The following FOXK1 variants were observed in gnomAD, a reference collection of about 807,000 sequenced individuals.
FOXK1 encodes the protein forkhead box K1.
Under a neutral mutation model 51.9 loss-of-function variants are expected in FOXK1, and 19 were observed. The ratio of observed to expected loss-of-function variants is 0.37; its 90% CI spans 0.26 to 0.54. FOXK1 has a LOEUF of 0.54. FOXK1 is among the 20% of genes least tolerant of loss of function. FOXK1 has a pLI of 0.87. For synonymous variants in FOXK1, 537 were observed against 482.6 expected (o/e 1.11, Z -1.48); for missense variants, 870 against 1,032.7 (o/e 0.84, Z 2.16).
chr7:4,694,375 G>A (rs931137963), intron 1 of FOXK1, among the ~76,000 whole-genome samples: 3 of 151,946 alleles, frequency 2.0e-5, no homozygotes, highest in Non-Finnish European at 2.9e-5. Context: ...AGGAACTCTT[G>A]GAGGAAATTT....
chr7:4,741,237 A>G (rs1780629753), intron 2 of FOXK1, among the ~76,000 whole-genome samples: 1 of 152,200 alleles, frequency 6.6e-6, no homozygotes, highest in Non-Finnish European at 1.5e-5. Context: ...CACTTTTCCC[A>G]CTGGAAATTT....
chr7:4,725,559 G>A (rs958030413), intron 1 of FOXK1, among the ~76,000 whole-genome samples: 9 of 152,244 alleles, frequency 5.9e-5, no homozygotes, highest in Admixed American at 2.0e-4. Flanking sequence ...GCCTTTGTGC[G>A]GCCGGGCCCC....
At position 4,722,898 on chromosome 7, in the gene FOXK1, G is replaced by T. The variant is rs151267277; in HGVS notation, c.561-17940G>T. Reference sequence around the variant, plus strand: ...TTGGCATCCAGGTGAGGTGCCTGTGGGCAGAGCTGTTGATGGAAGAGGGTG... The same window carrying T: ...TTGGCATCCAGGTGAGGTGCCTGTGTGCAGAGCTGTTGATGGAAGAGGGTG... On this transcript the variant is annotated intron_variant, in intron 1 of 8. Coordinates refer to ENST00000328914, the MANE Select transcript of FOXK1 (RefSeq NM_001037165.2). This position sits in a 1 kb window ranked among gnomAD's most constrained non-coding sequence, Gnocchi z 5.1. Among the ~76,000 whole-genome samples the T allele has an allele frequency of 1.6e-3, 236 of 152,186 alleles. No homozygotes were observed. The highest frequency in any genetic ancestry group is 5.2e-3 in the African/African-American group (214 of 41,540).
intron 1 of FOXK1, among the ~76,000 whole-genome samples, chr7:4,732,765 A>G (rs112675874): frequency 2.1e-4 from 32 of 152,348 alleles, no homozygotes; most frequent in African/African-American, 7.7e-4. Flanking sequence ...GTAGACACAC[A>G]TGGCTTTCCG....
chr7:4,707,100 T>C lies in FOXK1; in HGVS notation c.560+24232T>C, dbSNP rs995377629. ...TTTGTCCGTAATGGCCACCTTCCAG[T>C]CTTAGAGAAGCAGCGATGTCTCCCC... On this transcript the variant is annotated intron_variant, in intron 1 of 8. Coordinates refer to ENST00000328914, the MANE Select transcript of FOXK1 (RefSeq NM_001037165.2). This position sits in a 1 kb window ranked among gnomAD's most constrained non-coding sequence, Gnocchi z 4.1. 1.3e-5 allele frequency among the ~76,000 whole-genome samples: 2 copies of C among 152,214 alleles called. No homozygotes were observed. The highest frequency in any genetic ancestry group is 2.9e-5 in the Non-Finnish European group (2 of 68,040).
chr7:4,732,696 G>A (rs1242070013), intron 1 of FOXK1, among the ~76,000 whole-genome samples: 1 of 152,190 alleles, frequency 6.6e-6, no homozygotes, highest in Non-Finnish European at 1.5e-5. Context: ...AGAGGCAGTG[G>A]CTTTTAAAGC....
At chr7:4,750,811 TCTC>T (rs1182517249) in intron 2 of FOXK1, among the ~76,000 whole-genome samples, 1 of 151,654 alleles carries the variant, frequency 6.6e-6, no homozygotes, top group African/African-American at 2.4e-5. Flanking sequence ...TTCAAGCAAT[TCTC>T]CTTCCTCAGC....
In FOXK1 at chr7:4,767,464, T is replaced by C. The variant is rs1298494075; in HGVS notation, c.*5000T>C. 6.6e-6 allele frequency: 1 copy of C among 152,220 alleles called. No individual in the cohort carries two copies. Among genetic ancestry groups the C allele is most frequent in the Admixed American group, 6.5e-5 (1 of 15,280 alleles). 9.4% of individuals were successfully genotyped at this position (152,220 alleles called of 1,614,324 possible). A position where few individuals can be genotyped will look rare whatever the true frequency, so the allele number is the denominator to read the frequency against. Reference sequence around the variant, plus strand: ...CCCACAGCCTCGCCTCGAGCCTCCTTGACAATACCGCTGCTTCAAAGCAAT... The same window carrying C: ...CCCACAGCCTCGCCTCGAGCCTCCTCGACAATACCGCTGCTTCAAAGCAAT... On this transcript the variant is annotated 3_prime_UTR_variant, in exon 9 of 9. Coordinates refer to ENST00000328914, the MANE Select transcript of FOXK1 (RefSeq NM_001037165.2). The surrounding 1 kb of genome is among the most constrained non-coding windows in gnomAD (Gnocchi z 6.6).
chr7:4,702,114 G>A (rs568153671), intron 1 of FOXK1, among the ~76,000 whole-genome samples: 17 of 152,112 alleles, frequency 1.1e-4, no homozygotes, highest in East Asian at 3.9e-4. Flanking sequence ...AAACCAAATC[G>A]TATTGTACCC....
intron 2 of FOXK1, among the ~76,000 whole-genome samples, chr7:4,754,224 C>T (rs1780813706): frequency 1.3e-5 from 2 of 152,220 alleles, no homozygotes; most frequent in African/African-American, 2.4e-5. Flanking sequence ...GGAGGGCCCG[C>T]GGTGCTCTCA....
At position 4,699,241 on chromosome 7, in the gene FOXK1, C is replaced by T. The variant is rs560778950; in HGVS notation, c.560+16373C>T. On this transcript the variant is annotated intron_variant, in intron 1 of 8. Transcript: ENST00000328914. Reference sequence around the variant, plus strand: ...AAATCCCAACTTCACTCAGGTGGAGCATCTTTGGCCGTGGGACTCGTGGGG... The same window carrying T: ...AAATCCCAACTTCACTCAGGTGGAGTATCTTTGGCCGTGGGACTCGTGGGG... 3.3e-5 allele frequency among the ~76,000 whole-genome samples: 5 copies of T among 151,590 alleles called. No individual in the cohort carries two copies. The East Asian group carries it at 9.7e-4, about 29-fold the overall frequency.
Position 4,682,986 on chromosome 7 carries a change from G to A in FOXK1, c.560+118G>A. On this transcript the variant is annotated intron_variant, in intron 1 of 8. Coordinates refer to ENST00000328914, the MANE Select transcript of FOXK1 (RefSeq NM_001037165.2). The surrounding 1 kb of genome is among the most constrained non-coding windows in gnomAD (Gnocchi z 7.6). ...CCTCGGCCTCGACCCCCACCCCCCG[G>A]CCCACCCCCGGTAACCCCCGACCGG... The A allele has an allele frequency of 1.0e-6, 1 of 977,696 alleles. No individual in the cohort carries two copies. Among genetic ancestry groups the A allele is most frequent in the Non-Finnish European group, 1.3e-6 (1 of 751,278 alleles). 60.6% of individuals were successfully genotyped at this position (977,696 alleles called of 1,614,324 possible).
rs2115085743 is a variant in FOXK1 at position 4,770,297 on chromosome 7, G to A, written c.*7833G>A. On this transcript the variant is annotated 3_prime_UTR_variant, in exon 9 of 9. Transcript: ENST00000328914. ...TGCCCGTAATCCCAGCACTTTGGGA[G>A]GCCGAGGCAGGCGCATCACCTGAGG... 1 of 152,258 alleles carries A rather than the reference G, an allele frequency of 6.6e-6. No individual in the cohort carries two copies. The highest frequency in any genetic ancestry group is 2.1e-4 in the South Asian group (1 of 4,826). 9.4% of individuals were successfully genotyped at this position (152,258 alleles called of 1,614,324 possible).
At chr7:4,737,284 A>T (rs1253377632) in intron 1 of FOXK1, among the ~76,000 whole-genome samples, 3 of 152,240 alleles carry the variant, frequency 2.0e-5, no homozygotes, top group Non-Finnish European at 4.4e-5. Flanking sequence ...CTTCTGACAA[A>T]TAGGAGAACA....
intron 1 of FOXK1, among the ~76,000 whole-genome samples, chr7:4,726,372 G>C (rs1780381630): frequency 6.6e-6 from 1 of 152,102 alleles, no homozygotes; most frequent in African/African-American, 2.4e-5. Context: ...TCCTCCATCA[G>C]CTTTAGCAAA....
In FOXK1 at chr7:4,734,112, C is replaced by T. The variant is rs542651855; in HGVS notation, c.561-6726C>T. On this transcript the variant is annotated intron_variant, in intron 1 of 8. Transcript: ENST00000328914. This position sits in a 1 kb window ranked among gnomAD's most constrained non-coding sequence, Gnocchi z 5.2. ...ATGCCTGTGTTTTAACCTTAGTAAC[C>T]GTGCCGCCCAGCTCCTAGAAGACAC... Among the ~76,000 whole-genome samples, 22 of 152,292 alleles carry T rather than the reference C, an allele frequency of 1.4e-4. No homozygotes were observed. Among genetic ancestry groups the T allele is most frequent in the East Asian group, 5.8e-4 (3 of 5,180 alleles).
At position 4,765,043 on chromosome 7, in the gene FOXK1, G is replaced by A; in HGVS notation, c.*2579G>A. The A allele has an allele frequency of 6.5e-6, 1 of 152,704 alleles. No individual in the cohort carries two copies. Among genetic ancestry groups the A allele is most frequent in the Non-Finnish European group, 1.5e-5 (1 of 68,276 alleles). The allele number at this position is 152,704 out of a possible 1,614,324, so 9.5% of individuals were successfully genotyped here. On this transcript the variant is annotated 3_prime_UTR_variant, in exon 9 of 9. Coordinates refer to ENST00000328914, the MANE Select transcript of FOXK1 (RefSeq NM_001037165.2). ...GCTGCATTCTGCCGTGTGGGGTTCT[G>A]CACTGTCTAGCTTCTGCGGGGACTG...
At position 4,761,276 on chromosome 7, in the gene FOXK1, G is replaced by A. The variant is rs750176203; in HGVS notation, c.1909G>A (p.Gly637Ser). The A allele has an allele frequency of 1.7e-4, 269 of 1,612,244 alleles. 1 individual carries two copies. The highest frequency in any genetic ancestry group is 2.1e-4 in the Non-Finnish European group (249 of 1,179,996). Residue 637 changes from glycine to serine, a missense_variant, in exon 8 of 9, where the codon GGC becomes AGC. By Grantham distance (56) the Gly-to-Ser change is moderately conservative. Around this residue, in one of 3 missense-constraint regions of FOXK1, gnomAD observed 457 missense variants for 510.8 expected, o/e 0.89. Transcript: ENST00000328914. This position sits in a 1 kb window ranked among gnomAD's most constrained non-coding sequence, Gnocchi z 6.2. ...TGCGGTTCCCACGAACAGTTTAGCC[G>A]GCAACGCTTACGGTGAGGCCCTGGC... ...KHAVPTNSLA[G>S]NAYALTSPLQ... is the part of the protein sequence containing the mutation.
chr7:4,691,186 A>C (rs551465546), intron 1 of FOXK1, among the ~76,000 whole-genome samples: 1 of 152,256 alleles, frequency 6.6e-6, no homozygotes, highest in East Asian at 1.9e-4. Flanking sequence ...CCATTTCTAC[A>C]GTGTTGATGA....
Sources: gnomAD v4.1 joint callset for allele counts (sites outside exome capture counted in the v4.1 genomes callset) on GRCh38, gnomAD v4.1.1 for gene constraint, gnomAD v4.1.1 regional missense constraint, Gnocchi (gnomAD v3.1) non-coding constraint, MANE v1.5 for transcripts, NCBI Gene and HGNC (gene_info 2026-07-23, HGNC 2026-07-21) for gene names.